The following RNF185 variants were observed in gnomAD, a reference collection of about 807,000 sequenced individuals.
RNF185 encodes ring finger protein 185, also known as E3 ubiquitin-protein ligase RNF185.
RNF185 carries 13 observed loss-of-function variants against 24.9 expected under a neutral mutation model. The ratio of observed to expected loss-of-function variants is 0.52; its 90% confidence interval spans 0.34 to 0.83. RNF185 has a LOEUF of 0.83. RNF185 is among the 40% of genes least tolerant of loss of function. The probability of loss-of-function intolerance (pLI) is 0.01; values close to 1 mark genes in which losing one functional copy is unlikely to be tolerated. For synonymous variants in RNF185, 79 were observed against 90.3 expected, an observed-to-expected ratio of 0.88 and a Z score of 0.71; for missense variants, 184 against 244.7, an observed-to-expected ratio of 0.75 and a Z score of 1.65.
chr22:31,194,750 C>A (rs1236532635), intron 3 of RNF185, among the ~76,000 whole-genome samples: 1 of 151,906 alleles, frequency 6.6e-6, no homozygotes, highest in Non-Finnish European at 1.5e-5. Flanking sequence ...TGAGAAATCA[C>A]AGAAAGAAGA....
chr22:31,192,715 T>C lies in RNF185; in HGVS notation c.195+13T>C, dbSNP rs1415788748. 1 of 1,612,770 alleles carries C rather than the reference T, an allele frequency of 6.2e-7. No individual in the cohort carries two copies. The highest frequency in any genetic ancestry group is 8.5e-7 in the Non-Finnish European group (1 of 1,178,868). Reference sequence around the variant, plus strand: ...GTGTTTACATCAGGTAAGATGCATTTCATTTTACTTTGTCTTTCATCAGCT... The same window carrying C: ...GTGTTTACATCAGGTAAGATGCATTCCATTTTACTTTGTCTTTCATCAGCT... On this transcript the variant is annotated intron_variant, in intron 3 of 6. Transcript: ENST00000326132.
chr22:31,186,114 C>T (rs924411986), intron 1 of RNF185, among the ~76,000 whole-genome samples: 1 of 152,136 alleles, frequency 6.6e-6, no homozygotes, highest in Non-Finnish European at 1.5e-5. Context: ...CCATTTATTA[C>T]AGTGACATAA....
rs1424136893 is a variant in RNF185, at chr22:31,186,581, G to A, written c.-48-466G>A. On this transcript the variant is annotated intron_variant, in intron 1 of 6. Coordinates refer to ENST00000326132, the MANE Select transcript of RNF185 (RefSeq NM_152267.4). ...TGTGCCACTGCACTCCAGCCTGGGC[G>A]ACAGAGTGAAACTCCATCTCTTAAA... Among the ~76,000 whole-genome samples the A allele has an allele frequency of 2.6e-5, 4 of 152,148 alleles. 1 individual carries two copies. The highest frequency in any genetic ancestry group is 2.0e-4 in the Admixed American group (3 of 15,274).
At chr22:31,171,436 C>T (rs938138687) in intron 1 of RNF185, among the ~76,000 whole-genome samples, 7 of 151,896 alleles carry the variant, frequency 4.6e-5, no homozygotes, top group South Asian at 2.1e-4. Context: ...CCGCCTTGGC[C>T]TCCCAAAGTG....
At chr22:31,175,918 G>A (rs192223137) in intron 1 of RNF185, among the ~76,000 whole-genome samples, 4 of 152,148 alleles carry the variant, frequency 2.6e-5, no homozygotes, top group African/African-American at 9.6e-5. Flanking sequence ...GAAGGTATTG[G>A]ACCTTTCACA....
At chr22:31,200,164 C>T (rs1386972745) in intron 5 of RNF185, among the ~76,000 whole-genome samples, 1 of 152,018 alleles carries the variant, frequency 6.6e-6, no homozygotes, top group Non-Finnish European at 1.5e-5. Context: ...TGAGACCAGC[C>T]TGAGCAACAA....
At chr22:31,175,096 A>G (rs2047969003) in intron 1 of RNF185, among the ~76,000 whole-genome samples, 2 of 145,428 alleles carry the variant, frequency 1.4e-5, no homozygotes. Context: ...AAAAAAAAGT[A>G]GTGGACGAAA....
Position 31,187,769 on chromosome 22 carries a change from A to G in RNF185, c.176+499A>G, listed in dbSNP as rs947113247. Among the ~76,000 whole-genome samples the G allele has an allele frequency of 3.9e-5, 6 of 152,350 alleles. No homozygotes were observed. In the South Asian group the frequency reaches 1.0e-3, roughly 26 times the overall value. On this transcript the variant is annotated intron_variant, in intron 2 of 6. Transcript: ENST00000326132. ...TAAATACTATGTGTTAGCTATGACT[A>G]TAATTGTTACTATATTTTATGTTTA... is the stretch of plus-strand genomic sequence containing the variant.
rs2048209706 is a variant in RNF185 at position 31,196,824 on chromosome 22, G to T, written c.309-112G>T. 3 of 1,403,162 alleles carry T rather than the reference G, an allele frequency of 2.1e-6. No homozygotes were observed. In the African/African-American group the frequency reaches 4.4e-5, roughly 20 times the overall value. 86.9% of individuals were successfully genotyped at this position (1,403,162 alleles called of 1,614,324 possible). A position where few individuals can be genotyped will look rare whatever the true frequency, so the allele number is the denominator to read the frequency against. ...TTAATCTGGCATAAGTTCATGTCCT[G>T]GACAAGAAAGAGGCTATGGCCCTGA... On this transcript the variant is annotated intron_variant, in intron 4 of 6. Transcript: ENST00000326132.
chr22:31,203,787 A>G (rs1360453158), intron 6 of RNF185, among the ~76,000 whole-genome samples: 1 of 152,096 alleles, frequency 6.6e-6, no homozygotes, highest in East Asian at 1.9e-4. Context: ...TGTAATGCCA[A>G]CGCTTTGGGA....
At chr22:31,165,161 G>C (rs1923840587) in intron 1 of RNF185, among the ~76,000 whole-genome samples, 1 of 150,872 alleles carries the variant, frequency 6.6e-6, no homozygotes, top group African/African-American at 2.4e-5. Flanking sequence ...CAGGTGATCT[G>C]TCTGCCTCAG....
intron 5 of RNF185, among the ~76,000 whole-genome samples, chr22:31,198,425 G>T (rs1601376897): frequency 2.0e-5 from 2 of 102,254 alleles, no homozygotes; most frequent in African/African-American, 7.3e-5. Context: ...TTGAGATGAA[G>T]TTTCACTCTT....
chr22:31,180,953 GTGTGTC>G (rs2048030335), intron 1 of RNF185, among the ~76,000 whole-genome samples: 1 of 150,846 alleles, frequency 6.6e-6, no homozygotes, highest in African/African-American at 2.4e-5. Context: ...GTGTGTGTGT[GTGTGTC>G]TGCCTGTCTG....
Position 31,205,810 on chromosome 22 carries a change from T to C in RNF185, c.*1224T>C, listed in dbSNP as rs2048309022. On this transcript the variant is annotated 3_prime_UTR_variant, in exon 7 of 7. Coordinates refer to ENST00000326132, the MANE Select transcript of RNF185 (RefSeq NM_152267.4). ...TTGGGGAGCCCCAGCACAATGATAT[T>C]GTGTGGTCTTCCCTCCTGTGGAATC... 1 of 152,350 alleles carries C rather than the reference T, an allele frequency of 6.6e-6. No homozygotes were observed. Among genetic ancestry groups the C allele is most frequent in the Admixed American group, 6.5e-5 (1 of 15,284 alleles). The allele number at this position is 152,350 out of a possible 1,614,324, so 9.4% of individuals were successfully genotyped here. A position where few individuals can be genotyped will look rare whatever the true frequency, so the allele number is the denominator to read the frequency against.
intron 1 of RNF185, among the ~76,000 whole-genome samples, chr22:31,176,697 C>G: frequency 6.6e-6 from 1 of 151,790 alleles, no homozygotes; most frequent in Non-Finnish European, 1.5e-5. Flanking sequence ...ACCGTGTTAG[C>G]CAGGATGGTC....
In RNF185 at chr22:31,163,333, A is replaced by ATT. The variant is rs34873433; in HGVS notation, c.-49+3041_-49+3042dup. Reference sequence around the variant, plus strand: ...CCAATTCCTGACCTGCATCGTGTACATTTTTTTTTTTTGAGACAGTGACTC... The same window carrying ATT: ...CCAATTCCTGACCTGCATCGTGTACATTTTTTTTTTTTTTGAGACAGTGACTC... On this transcript the variant is annotated intron_variant, in intron 1 of 6. Transcript: ENST00000326132. Among the ~76,000 whole-genome samples, 104 of 144,776 alleles carry ATT rather than the reference A, an allele frequency of 7.2e-4. 2 individuals are homozygous for ATT. Among genetic ancestry groups the ATT allele is most frequent in the African/African-American group, 2.3e-3 (93 of 39,670 alleles). The allele number at this position is 144,776 out of a possible 152,430, so 95.0% of individuals were successfully genotyped here. A position where few individuals can be genotyped will look rare whatever the true frequency, so the allele number is the denominator to read the frequency against.
intron 1 of RNF185, among the ~76,000 whole-genome samples, chr22:31,172,164 T>A (rs1210314580): frequency 6.6e-6 from 1 of 151,954 alleles, no homozygotes; most frequent in Non-Finnish European, 1.5e-5. Flanking sequence ...GAATATGAAT[T>A]AATGAGATTT....
chr22:31,168,632 G>A (rs1345040889), intron 1 of RNF185, among the ~76,000 whole-genome samples: 1 of 152,066 alleles, frequency 6.6e-6, no homozygotes, highest in African/African-American at 2.4e-5. Flanking sequence ...TTTTTTTGAG[G>A]AGCCTCTGTG....
intron 1 of RNF185, among the ~76,000 whole-genome samples, chr22:31,170,195 G>T (rs973079157): frequency 2.4e-4 from 36 of 150,098 alleles, no homozygotes; most frequent in Non-Finnish European, 3.7e-4. Flanking sequence ...TTTTTTTTTT[G>T]TTTGTTTGTT....
Sources: allele counts gnomAD v4.1 joint callset (sites outside exome capture counted in the v4.1 genomes callset), GRCh38; gene constraint gnomAD v4.1.1; transcripts MANE v1.5; gene names NCBI Gene and HGNC (gene_info 2026-07-23, HGNC 2026-07-21).